The following GRXCR1 variants were observed in gnomAD, a reference collection of about 807,000 sequenced individuals.
GRXCR1 encodes the protein glutaredoxin and cysteine rich domain containing 1, also known as glutaredoxin domain-containing cysteine-rich protein 1.
Under a neutral mutation model 27.3 loss-of-function variants are expected in GRXCR1, and 27 were observed. The observed-to-expected ratio is 0.99, with a 90% CI of 0.73 to 1.37. The LOEUF is 1.37. Ranked by LOEUF, GRXCR1 falls within the 40% of genes most tolerant of loss-of-function variation. The pLI is 0.00. For synonymous variants in GRXCR1, 122 were observed against 131.1 expected, an observed-to-expected ratio of 0.93 and a Z score of 0.47; for missense variants, 379 against 354.4, an observed-to-expected ratio of 1.07 and a Z score of -0.56.
At chr4:42,999,493 T>C (rs1212645875) in intron 2 of GRXCR1, among the ~76,000 whole-genome samples, 3 of 152,236 alleles carry the variant, frequency 2.0e-5, no homozygotes, top group Non-Finnish European at 4.4e-5. Context: ...TCCAAGTCTC[T>C]TCCATCCACT....
At chr4:43,029,327 T>C (rs1226895955) in intron 3 of GRXCR1, among the ~76,000 whole-genome samples, 4 of 152,232 alleles carry the variant, frequency 2.6e-5, no homozygotes, top group Non-Finnish European at 4.4e-5. Context: ...TGTCTGAGTA[T>C]GTGTTTGTGT....
intron 2 of GRXCR1, among the ~76,000 whole-genome samples, chr4:42,986,647 C>T (rs1207630724): frequency 6.6e-6 from 1 of 152,174 alleles, no homozygotes; most frequent in East Asian, 1.9e-4. Context: ...CGTATGGTTT[C>T]TCTTGAATGA....
At chr4:42,931,821 G>T (rs150404540) in intron 1 of GRXCR1, among the ~76,000 whole-genome samples, 1 of 151,730 alleles carries the variant, frequency 6.6e-6, no homozygotes, top group African/African-American at 2.4e-5. Flanking sequence ...CTTTTCTCAC[G>T]CTGCTAATAA....
chr4:43,027,574 T>G (rs1713295560), intron 3 of GRXCR1, among the ~76,000 whole-genome samples: 1 of 152,234 alleles, frequency 6.6e-6, no homozygotes, highest in South Asian at 2.1e-4. Context: ...GCCTGGTGTC[T>G]GAAGTGCCAC....
At chr4:42,980,739 C>T (rs1261082511) in intron 2 of GRXCR1, among the ~76,000 whole-genome samples, 1 of 152,036 alleles carries the variant, frequency 6.6e-6, no homozygotes, top group Non-Finnish European at 1.5e-5. Flanking sequence ...ATAGTGAAGT[C>T]TCCTACTATT....
chr4:42,896,121 A>C (rs1746341912), intron 1 of GRXCR1, among the ~76,000 whole-genome samples: 1 of 152,112 alleles, frequency 6.6e-6, no homozygotes, highest in South Asian at 2.1e-4. Context: ...CCTAAATATA[A>C]ATAAAATATT....
At chr4:42,968,410 C>T (rs1414131582) in intron 2 of GRXCR1, among the ~76,000 whole-genome samples, 1 of 152,088 alleles carries the variant, frequency 6.6e-6, no homozygotes, top group Non-Finnish European at 1.5e-5. Flanking sequence ...GGCTAGATGA[C>T]TATAACAGTT....
intron 1 of GRXCR1, among the ~76,000 whole-genome samples, chr4:42,962,690 T>A (rs1251786638): frequency 6.6e-6 from 1 of 151,968 alleles, no homozygotes; most frequent in African/African-American, 2.4e-5. Flanking sequence ...AGGAAAAAAA[T>A]TAAATTATGT....
chr4:43,023,734 A>G (rs1387139453), intron 3 of GRXCR1, among the ~76,000 whole-genome samples: 4 of 152,220 alleles, frequency 2.6e-5, no homozygotes, highest in Non-Finnish European at 4.4e-5. Context: ...TATCCCAGGC[A>G]TACATAAATA....
chr4:42,893,435 G>C lies in GRXCR1; in HGVS notation c.169G>C (p.Asp57His). The change falls in exon 1 of 4, where the codon GAT (aspartate) becomes CAT (histidine). Residue 57 changes from aspartate (D) to histidine (H), a missense_variant. Transcript: ENST00000399770. The stretch of plus-strand genomic sequence containing the variant: ...TATCTGTGGGATAGATGGACTAGGT[G>C]ATTCCGATGGACAGCAGAATGGCCA... ...ASICGIDGLG[D>H]SDGQQNGHIE... 6.2e-7 allele frequency: 1 copy of C among 1,613,866 alleles called. No homozygotes were observed. The highest frequency in any genetic ancestry group is 1.1e-5 in the South Asian group (1 of 91,080).
At chr4:42,959,766 T>TAG (rs1464351226) in intron 1 of GRXCR1, among the ~76,000 whole-genome samples, 2 of 151,874 alleles carry the variant, frequency 1.3e-5, no homozygotes, top group Non-Finnish European at 2.9e-5. Flanking sequence ...TGTCCAATCT[T>TAG]TATCTAACTA....
At chr4:43,013,575 G>A (rs959714505) in intron 2 of GRXCR1, among the ~76,000 whole-genome samples, 1 of 152,076 alleles carries the variant, frequency 6.6e-6, no homozygotes, top group Non-Finnish European at 1.5e-5. Flanking sequence ...CCAAACTTCA[G>A]CATCATGCAT....
At chr4:42,987,889 A>C (rs1711832270) in intron 2 of GRXCR1, among the ~76,000 whole-genome samples, 1 of 152,198 alleles carries the variant, frequency 6.6e-6, no homozygotes, top group African/African-American at 2.4e-5. Context: ...AACTCAAAGC[A>C]GATTGTAACC....
intron 1 of GRXCR1, among the ~76,000 whole-genome samples, chr4:42,927,321 A>G (rs1045824175): frequency 3.9e-5 from 6 of 151,990 alleles, no homozygotes; most frequent in African/African-American, 1.4e-4. Flanking sequence ...AATGCTGGAG[A>G]TGATGCTACC....
chr4:42,957,376 G>C (rs10014465), intron 1 of GRXCR1, among the ~76,000 whole-genome samples: 1 of 151,950 alleles, frequency 6.6e-6, no homozygotes, highest in Non-Finnish European at 1.5e-5. Flanking sequence ...TATACACCTA[G>C]TGCTTAATAC....
rs554024660 is a variant in GRXCR1, at chr4:42,903,563, T to C, written c.384+9913T>C. Among the ~76,000 whole-genome samples the C allele has an allele frequency of 3.3e-4, 49 of 147,690 alleles. 9 individuals are homozygous for C. In the South Asian group the frequency reaches 9.9e-3, roughly 30 times the overall value. ...TCCAGACCTTGTGATCCGCCCGCCT[T>C]GGCCTCCCAGAGTGCTGGGATAGAT... On this transcript the variant is annotated intron_variant, in intron 1 of 3. Transcript: ENST00000399770.
chr4:42,983,413 A>G (rs1398752133), intron 2 of GRXCR1, among the ~76,000 whole-genome samples: 1 of 151,076 alleles, frequency 6.6e-6, no homozygotes, highest in Non-Finnish European at 1.5e-5. Context: ...CCATTGATCT[A>G]TATCTCTGTT....
At chr4:43,008,442 G>A (rs1373351107) in intron 2 of GRXCR1, among the ~76,000 whole-genome samples, 2 of 152,178 alleles carry the variant, frequency 1.3e-5, no homozygotes, top group Non-Finnish European at 2.9e-5. Context: ...AGTGGCACAA[G>A]CAAAATCCTG....
At chr4:43,010,735 T>C (rs1577944150) in intron 2 of GRXCR1, among the ~76,000 whole-genome samples, 2 of 152,200 alleles carry the variant, frequency 1.3e-5, no homozygotes, top group East Asian at 3.9e-4. Context: ...TTAAAAAAGA[T>C]TTAAAAAAGA....
Sources: gnomAD v4.1 joint callset for allele counts (sites outside exome capture counted in the v4.1 genomes callset) on GRCh38, gnomAD v4.1.1 for gene constraint, MANE v1.5 for transcripts, NCBI Gene and HGNC (gene_info 2026-07-23, HGNC 2026-07-21) for gene names.